Variants in TMEM120B observed in about 807,000 individuals in gnomAD.
TMEM120B encodes the protein transmembrane protein 120B.
A neutral mutation model predicts 55.5 loss-of-function variants in TMEM120B; 31 were observed. The observed-to-expected ratio is 0.56, with a 90% CI of 0.42 to 0.75. The LOEUF is 0.75. TMEM120B is among the 30% of genes least tolerant of loss of function. The pLI is 0.00. For missense variants in TMEM120B, 399 were observed against 425.5 expected (o/e 0.94, Z 0.55); for synonymous variants, 203 against 176.3 (o/e 1.15, Z -1.20).
In TMEM120B at chr12:121,779,487, T is replaced by C. The variant is rs1874361990; in HGVS notation, c.*3765T>C. 1 of 1,610,302 alleles carries C rather than the reference T, an allele frequency of 6.2e-7. No homozygotes were observed. The highest frequency in any genetic ancestry group is 1.7e-5 in the Admixed American group (1 of 60,026). On this transcript the variant is annotated 3_prime_UTR_variant, in exon 12 of 12. Coordinates refer to ENST00000449592, the MANE Select transcript of TMEM120B (RefSeq NM_001080825.2). ...CCTGTCAGTGCTGTCGTGAGGTCTG[T>C]CTGCCCTGGGTCAGAGCAGCAGGCA...
At chr12:121,730,673 A>G (rs1894983906) in intron 1 of TMEM120B, among the ~76,000 whole-genome samples, 1 of 143,506 alleles carries the variant, frequency 7.0e-6, no homozygotes. Context: ...ACAAACAAAA[A>G]AAAACCGGGC....
intron 1 of TMEM120B, among the ~76,000 whole-genome samples, chr12:121,738,026 AAAAGAAAGTCC>A (rs1566511797): frequency 6.6e-6 from 1 of 151,630 alleles, no homozygotes; most frequent in East Asian, 1.9e-4. Context: ...AAAAAAAAAA[AAAAGAAAGTCC>A]AGGCACAGTG....
intron 1 of TMEM120B, among the ~76,000 whole-genome samples, chr12:121,734,721 C>T (rs1895071583): frequency 6.6e-6 from 1 of 151,916 alleles, no homozygotes; most frequent in African/African-American, 2.4e-5. Flanking sequence ...TGAAACCAGC[C>T]TGGCCAACAT....
At chr12:121,730,679 C>T (rs975293753) in intron 1 of TMEM120B, among the ~76,000 whole-genome samples, 5 of 140,732 alleles carry the variant, frequency 3.6e-5, no homozygotes, top group African/African-American at 8.0e-5. Context: ...AAAAAAAAAC[C>T]GGGCGCGGTG....
chr12:121,773,432 T>G lies in TMEM120B; in HGVS notation c.691T>G (p.Phe231Val). 6.2e-7 allele frequency: 1 copy of G among 1,611,176 alleles called. No individual in the cohort carries two copies. The change falls in exon 9 of 12, where the codon TTC (phenylalanine) becomes GTC (valine). Residue 231 changes from phenylalanine to valine, a missense_variant. Physicochemically the swap from Phe to Val is conservative, Grantham distance 50. Around this residue, in one of 3 missense-constraint regions of TMEM120B, gnomAD observed 260 missense variants for 303.9 expected, o/e 0.86. Transcript: ENST00000449592. ...AFSIFQSCVQ[F>V]LQYYYQRGCL... The stretch of plus-strand genomic sequence containing the variant: ...TGCTCCCCCTGCAGGCTGCGTCCAG[T>G]TCCTGCAATATTATTACCAGAGGGG...
At chr12:121,772,099 CTT>C (rs1412220766) in intron 8 of TMEM120B, among the ~76,000 whole-genome samples, 24 of 140,596 alleles carry the variant, frequency 1.7e-4, no homozygotes, top group African/African-American at 6.9e-4. Context: ...CTCTCTCTCT[CTT>C]TCTCTCTTTC....
intron 10 of TMEM120B, 114 bp downstream of exon 10, chr12:121,774,836 T>C (rs1592951631): frequency 7.4e-7 from 1 of 1,352,994 alleles, no homozygotes; most frequent in Non-Finnish European, 1.0e-6. Flanking sequence ...GCCCACAGCA[T>C]CCTGGGGCCG....
chr12:121,771,280 C>G (rs2137382249), intron 7 of TMEM120B, among the ~76,000 whole-genome samples: 1 of 152,228 alleles, frequency 6.6e-6, no homozygotes, highest in Non-Finnish European at 1.5e-5. Context: ...GGAGTTAGCG[C>G]TTCTGCACGG....
chr12:121,756,590 A>G (rs1873481473), intron 5 of TMEM120B, among the ~76,000 whole-genome samples: 1 of 152,150 alleles, frequency 6.6e-6, no homozygotes, highest in Admixed American at 6.5e-5. Context: ...GGTGCAGTCT[A>G]TCTTCATAAA....
intron 1 of TMEM120B, among the ~76,000 whole-genome samples, chr12:121,740,754 A>G (rs959013019): frequency 1.3e-5 from 2 of 152,090 alleles, no homozygotes; most frequent in East Asian, 3.9e-4. Flanking sequence ...TGATAATTGT[A>G]CTATGGATAT....
chr12:121,767,961 G>A (rs1174471301), intron 6 of TMEM120B, among the ~76,000 whole-genome samples: 1 of 152,218 alleles, frequency 6.6e-6, no homozygotes, highest in Non-Finnish European at 1.5e-5. Flanking sequence ...TGTGGCGCCT[G>A]CCAAGTGCTG....
intron 1 of TMEM120B, among the ~76,000 whole-genome samples, chr12:121,715,543 G>T (rs1335215806): frequency 6.6e-6 from 1 of 152,122 alleles, no homozygotes; most frequent in African/African-American, 2.4e-5. Flanking sequence ...GCACAGCAAG[G>T]GTTGTAGAAG....
chr12:121,740,781 G>A (rs1438855434), intron 1 of TMEM120B, among the ~76,000 whole-genome samples: 1 of 152,118 alleles, frequency 6.6e-6, no homozygotes, highest in African/African-American at 2.4e-5. Flanking sequence ...GAATATAGCT[G>A]TTCTTACTAT....
At chr12:121,742,642 G>A (rs1371312482) in intron 1 of TMEM120B, among the ~76,000 whole-genome samples, 2 of 152,118 alleles carry the variant, frequency 1.3e-5, no homozygotes, top group African/African-American at 4.8e-5. Context: ...CTGGAGTGAA[G>A]TGGCGTGGTC....
chr12:121,738,197 T>G (rs576283244), intron 1 of TMEM120B, among the ~76,000 whole-genome samples: 25 of 151,978 alleles, frequency 1.6e-4, no homozygotes, highest in African/African-American at 5.8e-4. Context: ...AGGCAGAGGT[T>G]GCAGTGAGCC....
chr12:121,769,375 G>C (rs547281090), intron 6 of TMEM120B, among the ~76,000 whole-genome samples: 2 of 152,258 alleles, frequency 1.3e-5, no homozygotes, highest in Admixed American at 1.3e-4. Flanking sequence ...ATCAGCCTCT[G>C]CTTCTGTACA....
At position 121,781,108 on chromosome 12, in the gene TMEM120B, G is replaced by A. The variant is rs1566531451; in HGVS notation, c.*5386G>A. 4 of 1,614,230 alleles carry A rather than the reference G, an allele frequency of 2.5e-6. No individual in the cohort carries two copies. Among genetic ancestry groups the A allele is most frequent in the Middle Eastern group, 1.6e-4 (1 of 6,062 alleles). ...CTTGATGAGGACGTTGTCGTAGCTGGTGGGATTCATGACGTCATAGCAGAT... is the reference window on the plus strand; with the variant it reads ...CTTGATGAGGACGTTGTCGTAGCTGATGGGATTCATGACGTCATAGCAGAT... On this transcript the variant is annotated 3_prime_UTR_variant, in exon 12 of 12. Transcript: ENST00000449592.
intron 1 of TMEM120B, among the ~76,000 whole-genome samples, chr12:121,731,749 G>T (rs60097021): frequency 6.6e-6 from 1 of 152,252 alleles, no homozygotes; most frequent in African/African-American, 2.4e-5. Context: ...TAATGCCATC[G>T]CATTGTACAA....
At chr12:121,755,685 G>A (rs1048774990) in intron 5 of TMEM120B, among the ~76,000 whole-genome samples, 5 of 152,144 alleles carry the variant, frequency 3.3e-5, no homozygotes, top group Admixed American at 2.0e-4. Flanking sequence ...GGAGACACTG[G>A]TAGTGGAATG....
Sources: gnomAD v4.1 joint callset for allele counts (sites outside exome capture counted in the v4.1 genomes callset) on GRCh38, gnomAD v4.1.1 for gene constraint, gnomAD v4.1.1 regional missense constraint, MANE v1.5 for transcripts, NCBI Gene and HGNC (gene_info 2026-07-23, HGNC 2026-07-21) for gene names.